Variants in SNX15 observed in about 807,000 individuals in gnomAD.
SNX15 encodes the protein sorting nexin 15.
SNX15 carries 29 observed loss-of-function variants against 35.2 expected under a neutral mutation model. The observed-to-expected ratio is 0.82, with a 90% CI of 0.61 to 1.12. The LOEUF (loss-of-function observed/expected upper bound fraction) is 1.12, where lower values mean the gene tolerates loss of function less well. Ranked by LOEUF, SNX15 falls within the 50% of genes most tolerant of loss-of-function variation. The pLI is 0.00. For synonymous variants in SNX15, 189 were observed against 188.2 expected, an observed-to-expected ratio of 1.00 and a Z score of -0.03; for missense variants, 400 against 451.5, an observed-to-expected ratio of 0.89 and a Z score of 1.03.
intron 3 of SNX15, among the ~76,000 whole-genome samples, chr11:65,034,112 C>A (rs1189707183): frequency 6.6e-6 from 1 of 152,152 alleles, no homozygotes; most frequent in Non-Finnish European, 1.5e-5. Flanking sequence ...CCAGAGTTAG[C>A]CTGCTCTGCA....
Position 65,038,744 on chromosome 11 carries a change from C to T in SNX15, c.837C>T (p.Ala279=), listed in dbSNP as rs1422896663. The change falls in exon 7 of 8, where the codon GCC becomes GCT. Residue 279 remains alanine (A), a synonymous_variant. Coordinates refer to ENST00000377244, the MANE Select transcript of SNX15 (RefSeq NM_013306.5). ...LSQATELITQ[A]LRDEKAGAYA... is the part of the protein sequence containing the mutation. ...AGGCCACAGAGCTCATCACCCAGGC[C>T]CTGCGGGATGAGAAGGCAGGCGCTT... 6 of 1,602,896 alleles carry T rather than the reference C, an allele frequency of 3.7e-6. No homozygotes were observed. The highest frequency in any genetic ancestry group is 5.1e-6 in the Non-Finnish European group (6 of 1,175,294).
At chr11:65,039,450 C>CT (rs1946550010) in intron 7 of SNX15, among the ~76,000 whole-genome samples, 1 of 151,976 alleles carries the variant, frequency 6.6e-6, no homozygotes. Flanking sequence ...TCTCGAACCC[C>CT]TGACCTCGTG....
intron 1 of SNX15, 36 bp downstream of exon 1, chr11:65,027,672 A>T (rs1946387996): frequency 6.7e-7 from 1 of 1,498,852 alleles, no homozygotes; most frequent in Non-Finnish European, 9.3e-7. Flanking sequence ...TACCCTTTTA[A>T]CTAGAGGGGC....
chr11:65,027,464 C>G lies in SNX15; in HGVS notation c.-74C>G, dbSNP rs1437819041. The G allele has an allele frequency of 2.5e-6, 3 of 1,213,246 alleles. No individual in the cohort carries two copies. Among genetic ancestry groups the G allele is most frequent in the Non-Finnish European group, 3.7e-6 (3 of 819,498 alleles). 75.2% of individuals were successfully genotyped at this position (1,213,246 alleles called of 1,614,324 possible). On this transcript the variant is annotated 5_prime_UTR_variant, in exon 1 of 8. Coordinates refer to ENST00000377244, the MANE Select transcript of SNX15 (RefSeq NM_013306.5). ...GCAGGCCTGGCGAGGCGGCGGCGGGCGGAGGCTGGGCCGGAGGGGTGGGGA... is the reference window on the plus strand; with the variant it reads ...GCAGGCCTGGCGAGGCGGCGGCGGGGGGAGGCTGGGCCGGAGGGGTGGGGA...
rs781664410 is a variant in SNX15, at chr11:65,035,623, C to T, written c.624C>T (p.Thr208=). 2.5e-5 allele frequency: 41 copies of T among 1,613,468 alleles called. No homozygotes were observed. The highest frequency in any genetic ancestry group is 3.3e-5 in the South Asian group (3 of 91,020). The change falls in exon 6 of 8, where the codon ACC becomes ACT. Residue 208 remains threonine (T), a synonymous_variant. Transcript: ENST00000377244. The stretch of plus-strand genomic sequence containing the variant: ...GTTCCCCTGCCCGAGGCCCCCTCAC[C>T]GAGGCTGAGCTTGCCCTCTTCGACC... The part of the protein sequence containing the change: ...ASGSPARGPL[T]EAELALFDPF...
chr11:65,035,008 C>A (rs1224581632), intron 4 of SNX15, 46 bp downstream of exon 4: 1 of 1,613,526 alleles, frequency 6.2e-7, no homozygotes, highest in Non-Finnish European at 8.5e-7. Context: ...ACTTACCCAC[C>A]CACCAGATTG....
At chr11:65,029,720 GC>G (rs1202279104) in intron 1 of SNX15, among the ~76,000 whole-genome samples, 4 of 151,634 alleles carry the variant, frequency 2.6e-5, no homozygotes, top group Non-Finnish European at 5.9e-5. Context: ...GGGATTATAG[GC>G]GTGTGCCACC....
Position 65,035,087 on chromosome 11 carries a change from T to C in SNX15, c.401T>C (p.Val134Ala), listed in dbSNP as rs144185305. The C allele has an allele frequency of 2.7e-5, 44 of 1,612,804 alleles. No homozygotes were observed. Among genetic ancestry groups the C allele is most frequent in the Non-Finnish European group, 3.4e-5 (40 of 1,179,622 alleles). The change falls in exon 5 of 8, where the codon GTG becomes GCG. Residue 134 changes from valine to alanine, a missense_variant. Transcript: ENST00000377244. ...GGGGAGGTGACCCGACCCTTGGAGG[T>C]GTCCAGGGACCTACACATCCTGCCA... The part of the protein sequence containing the change: ...RGGEVTRPLE[V>A]SRDLHILPPP...
chr11:65,036,975 T>G (rs1365185343), intron 6 of SNX15: 1 of 152,172 alleles, frequency 6.6e-6, no homozygotes, highest in Non-Finnish European at 1.5e-5. Context: ...ATGCCCTGCC[T>G]CTTTCACTTT....
intron 6 of SNX15, chr11:65,037,627 C>T (rs1946517612): frequency 6.6e-6 from 1 of 152,210 alleles, no homozygotes; most frequent in African/African-American, 2.4e-5. Context: ...TGCCTTATTT[C>T]CCTACCCTGC....
rs1389361355 is a variant in SNX15, at chr11:65,040,473, CAAAAT to C, written c.*684_*688del. On this transcript the variant is annotated 3_prime_UTR_variant, in exon 8 of 8. Coordinates refer to ENST00000377244, the MANE Select transcript of SNX15 (RefSeq NM_013306.5). ...TACTTTTTTTAATGATTAAAAAAATCAAAATAATATTCTGTGACAATGACAGGTGA... is the reference window on the plus strand; with the variant it reads ...TACTTTTTTTAATGATTAAAAAAATCAATATTCTGTGACAATGACAGGTGA... 2 of 151,720 alleles carry C rather than the reference CAAAAT, an allele frequency of 1.3e-5. No individual in the cohort carries two copies. Among genetic ancestry groups the C allele is most frequent in the Non-Finnish European group, 1.5e-5 (1 of 67,954 alleles). 9.4% of individuals were successfully genotyped at this position (151,720 alleles called of 1,614,324 possible). A position where few individuals can be genotyped will look rare whatever the true frequency, so the allele number is the denominator to read the frequency against.
At chr11:65,028,906 C>G (rs1447588272) in intron 1 of SNX15, among the ~76,000 whole-genome samples, 1 of 151,436 alleles carries the variant, frequency 6.6e-6, no homozygotes, top group Non-Finnish European at 1.5e-5. Context: ...ATCCTGGCTA[C>G]CATGGTGAAA....
intron 1 of SNX15, among the ~76,000 whole-genome samples, chr11:65,029,072 CAG>C (rs1946408504): frequency 6.6e-6 from 1 of 151,266 alleles, no homozygotes; most frequent in South Asian, 2.1e-4. Flanking sequence ...GCCTGGGAGA[CAG>C]AGCGAGACTC....
rs1250508985 is a variant in SNX15, at chr11:65,038,780, A to G, written c.873A>G (p.Ala291=). The G allele has an allele frequency of 3.1e-6, 5 of 1,599,270 alleles. No homozygotes were observed. The African/African-American group carries it at 4.0e-5, about 13-fold the overall frequency. Residue 291 remains alanine, a synonymous_variant, in exon 7 of 8, where the codon GCA becomes GCG. Coordinates refer to ENST00000377244, the MANE Select transcript of SNX15 (RefSeq NM_013306.5). ...AGAAGGCAGGCGCTTACGCTGCTGCACTCCAGGGCTATCGAGACGGCGTGC... is the reference window on the plus strand; with the variant it reads ...AGAAGGCAGGCGCTTACGCTGCTGCGCTCCAGGGCTATCGAGACGGCGTGC... The part of the protein sequence containing the change: ...RDEKAGAYAA[A]LQGYRDGVHV...
chr11:65,039,689 A>AC lies in SNX15; in HGVS notation c.929dup (p.Leu311ValfsTer14). 6.2e-7 allele frequency: 1 copy of AC among 1,611,688 alleles called. No individual in the cohort carries two copies. The highest frequency in any genetic ancestry group is 8.5e-7 in the Non-Finnish European group (1 of 1,178,652). On this transcript the variant is annotated frameshift_variant, in exon 8 of 8. Transcript: ENST00000377244. LOFTEE classifies it high-confidence loss of function. ...GCTGAGCATTCTCTCTCCACAGGTG[A>AC]CCCGTTGCCTGCCCGCCAGGAAGGT...
rs148689292 is a variant in SNX15 at position 65,035,095 on chromosome 11, G to A, written c.409G>A (p.Asp137Asn). The change falls in exon 5 of 8, where the codon GAC (aspartate) becomes AAC (asparagine). Residue 137 changes from aspartate to asparagine, a missense_variant. Coordinates refer to ENST00000377244, the MANE Select transcript of SNX15 (RefSeq NM_013306.5). ...EVTRPLEVSR[D>N]LHILPPPLIP... ...GACCCGACCCTTGGAGGTGTCCAGGGACCTACACATCCTGCCACCCCCTCT... is the reference window on the plus strand; with the variant it reads ...GACCCGACCCTTGGAGGTGTCCAGGAACCTACACATCCTGCCACCCCCTCT... 864 of 1,612,622 alleles carry A rather than the reference G, an allele frequency of 5.4e-4. 5 individuals are homozygous for A. The African/African-American group carries it at 0.011, about 20-fold the overall frequency.
At chr11:65,030,353 C>CA (rs201609462) in intron 1 of SNX15, among the ~76,000 whole-genome samples, 15 of 150,004 alleles carry the variant, frequency 1.0e-4, no homozygotes, top group African/African-American at 3.2e-4. Context: ...GACTCCATCT[C>CA]AAAAAAAAAT....
At chr11:65,028,039 A>G (rs998448526) in intron 1 of SNX15, among the ~76,000 whole-genome samples, 13 of 152,232 alleles carry the variant, frequency 8.5e-5, no homozygotes, top group African/African-American at 2.2e-4. Flanking sequence ...AACGAGTTTA[A>G]CCATTTTTAA....
At chr11:65,032,363 C>T (rs1485828441) in intron 2 of SNX15, 68 bp from the exon 3 acceptor site, 12 of 1,610,264 alleles carry the variant, frequency 7.5e-6, no homozygotes, top group Non-Finnish European at 9.3e-6. Flanking sequence ...CCCCTGGGGG[C>T]AGGCTAGGCA....
Sources: allele counts gnomAD v4.1 joint callset (sites outside exome capture counted in the v4.1 genomes callset), GRCh38; gene constraint gnomAD v4.1.1; transcripts MANE v1.5; gene names NCBI Gene and HGNC (gene_info 2026-07-23, HGNC 2026-07-21).